The following UCP1 variants were observed in gnomAD, a reference collection of about 807,000 sequenced individuals.
The protein encoded by UCP1 is mitochondrial brown fat uncoupling protein 1.
A neutral mutation model predicts 26.2 loss-of-function variants in UCP1; 24 were observed. That is an observed-to-expected ratio of 0.92 (90% CI 0.66 to 1.29). The LOEUF (loss-of-function observed/expected upper bound fraction) is 1.29, where lower values mean the gene tolerates loss of function less well. Ranked by LOEUF, UCP1 falls within the 50% of genes most tolerant of loss-of-function variation. The pLI, the probability that UCP1 is intolerant of heterozygous loss-of-function variation, is 0.00. For synonymous variants in UCP1, 164 were observed against 156.8 expected, an observed-to-expected ratio of 1.05 and a Z score of -0.34; for missense variants, 402 against 388.7, an observed-to-expected ratio of 1.03 and a Z score of -0.29.
intron 1 of UCP1, among the ~76,000 whole-genome samples, 197 bp downstream of exon 1, chr4:140,568,407 G>A (rs1173260823): frequency 2.6e-5 from 4 of 152,156 alleles, no homozygotes; most frequent in Non-Finnish European, 5.9e-5. Flanking sequence ...TGGCCCTGGT[G>A]GTTCTTCAGC....
At chr4:140,562,154 A>G (rs1287045211) in intron 5 of UCP1, 39 bp downstream of exon 5, 2 of 1,612,550 alleles carry the variant, frequency 1.2e-6, no homozygotes, top group Non-Finnish European at 1.7e-6. Context: ...GCACACAGAC[A>G]GCCAGAACAC....
Position 140,568,821 on chromosome 4 carries a change from G to A in UCP1, c.-92C>T, listed in dbSNP as rs17848355. On this transcript the variant is annotated 5_prime_UTR_variant, in exon 1 of 6. Transcript: ENST00000262999. ...CCCTTGCTCTTCACGCCTGTCCGCCGGGCAGCAAACCCGATTTCTGTTTTT... is the reference window on the plus strand; with the variant it reads ...CCCTTGCTCTTCACGCCTGTCCGCCAGGCAGCAAACCCGATTTCTGTTTTT... 1.6e-5 allele frequency: 25 copies of A among 1,524,994 alleles called. No homozygotes were observed. Among genetic ancestry groups the A allele is most frequent in the African/African-American group, 9.6e-5 (7 of 72,830 alleles). The allele number at this position is 1,524,994 out of a possible 1,614,324, so 94.5% of individuals were successfully genotyped here.
In UCP1 at chr4:140,568,718, C is replaced by A; in HGVS notation, c.12G>T (p.Leu4=). Residue 4 remains leucine, a synonymous_variant, in exon 1 of 6, where the codon CTG becomes CTT. Transcript: ENST00000262999. ...GGGTCGGGTGTACGTCCGAGGCTGT[C>A]AGGCCCCCCATCTTCACTCAGAGAC... is the stretch of plus-strand genomic sequence containing the variant. MGG[L]TASDVHPTLG... The A allele has an allele frequency of 1.9e-6, 3 of 1,593,760 alleles. No homozygotes were observed. Among genetic ancestry groups the A allele is most frequent in the Non-Finnish European group, 2.6e-6 (3 of 1,172,056 alleles).
chr4:140,566,678 A>G (rs1432039406), intron 2 of UCP1, among the ~76,000 whole-genome samples: 2 of 152,214 alleles, frequency 1.3e-5, no homozygotes, highest in African/African-American at 2.4e-5. Context: ...TGAAATCTAC[A>G]AGGTGGATTT....
At position 140,562,274 on chromosome 4, in the gene UCP1, G is replaced by T. The variant is rs754743844; in HGVS notation, c.728C>A (p.Ser243Tyr). ...CACACTTTTGTACTGTCCTGGTGGA[G>T]AATTAATAAATCTGGTTTTTACTAC... ...VDVVKTRFIN[S>Y]PPGQYKSVPN... Residue 243 changes from serine to tyrosine, a missense_variant, in exon 5 of 6, where the codon TCT becomes TAT. Coordinates refer to ENST00000262999, the MANE Select transcript of UCP1 (RefSeq NM_021833.5). 7.4e-6 allele frequency: 12 copies of T among 1,614,010 alleles called. 1 individual carries two copies. In the South Asian group the frequency reaches 1.2e-4, roughly 16 times the overall value.
rs774544396 is a variant in UCP1, at chr4:140,562,208, G to T, written c.794C>A (p.Thr265Lys). Residue 265 changes from threonine (T) to lysine (K), a missense_variant, in exon 5 of 6, where the codon ACG becomes AAG. Transcript: ENST00000262999. ...CATATCTTACCCCTTGAAGAAAGCC[G>T]TTGGTCCTTCGTTAGTGAACACTTT... is the stretch of plus-strand genomic sequence containing the variant. ...AMKVFTNEGP[T>K]AFFKGLVPSF... 2.5e-6 allele frequency: 4 copies of T among 1,614,018 alleles called. No homozygotes were observed. Among genetic ancestry groups the T allele is most frequent in the Non-Finnish European group, 3.4e-6 (4 of 1,180,008 alleles).
chr4:140,565,144 T>G (rs181990301), intron 2 of UCP1, among the ~76,000 whole-genome samples: 1 of 152,332 alleles, frequency 6.6e-6, no homozygotes, highest in Admixed American at 6.5e-5. Flanking sequence ...CTGAATCATG[T>G]GCCTACTGGC....
chr4:140,565,352 C>A (rs1289381685), intron 2 of UCP1, among the ~76,000 whole-genome samples: 1 of 152,174 alleles, frequency 6.6e-6, no homozygotes, highest in African/African-American at 2.4e-5. Flanking sequence ...TGATTGACAT[C>A]TCTTTTTCCC....
At position 140,562,194 on chromosome 4, in the gene UCP1, C is replaced by T; in HGVS notation, c.808G>A (p.Gly270Arg). The change falls in exon 5 of 6, where the codon GGG becomes AGG. Residue 270 changes from glycine to arginine, a missense_variant and splice_region_variant. Gly to Arg is a moderately radical substitution (Grantham distance 125). Transcript: ENST00000262999. Reference sequence around the variant, plus strand: ...CAGATACACAAGATCATATCTTACCCCTTGAAGAAAGCCGTTGGTCCTTCG... The same window carrying T: ...CAGATACACAAGATCATATCTTACCTCTTGAAGAAAGCCGTTGGTCCTTCG... The part of the protein sequence containing the change: ...TNEGPTAFFK[G>R]LVPSFLRLGS... 1.2e-6 allele frequency: 2 copies of T among 1,614,134 alleles called. No individual in the cohort carries two copies. Among genetic ancestry groups the T allele is most frequent in the Non-Finnish European group, 1.7e-6 (2 of 1,179,994 alleles).
chr4:140,563,186 A>C lies in UCP1; in HGVS notation c.552T>G (p.Ser184Arg), dbSNP rs202215906. The change falls in exon 4 of 6, where the codon AGT becomes AGG. Residue 184 changes from serine to arginine, a missense_variant. Coordinates refer to ENST00000262999, the MANE Select transcript of UCP1 (RefSeq NM_021833.5). ...WKGTTPNLMR[S>R]VIINCTELVT... Reference sequence around the variant, plus strand: ...CTAGCTCTGTACAATTGATGATGACACTTCTCATCAGATTGGGAGTAGTCC... The same window carrying C: ...CTAGCTCTGTACAATTGATGATGACCCTTCTCATCAGATTGGGAGTAGTCC... The C allele has an allele frequency of 1.9e-6, 3 of 1,613,476 alleles. No homozygotes were observed. The highest frequency in any genetic ancestry group is 3.3e-5 in the Admixed American group (2 of 59,994).
intron 2 of UCP1, among the ~76,000 whole-genome samples, chr4:140,567,027 T>C (rs1194746832): frequency 2.6e-5 from 4 of 152,216 alleles, no homozygotes; most frequent in African/African-American, 7.2e-5. Flanking sequence ...TGCCAAGGGA[T>C]AATGGTACTA....
At chr4:140,566,819 C>T (rs142354839) in intron 2 of UCP1, among the ~76,000 whole-genome samples, 17 of 152,292 alleles carry the variant, frequency 1.1e-4, no homozygotes, top group African/African-American at 3.9e-4. Context: ...ATTCGGCTAA[C>T]ACTTTTTACT....
At chr4:140,566,362 A>C (rs887674201) in intron 2 of UCP1, among the ~76,000 whole-genome samples, 1 of 152,218 alleles carries the variant, frequency 6.6e-6, no homozygotes, top group Non-Finnish European at 1.5e-5. Flanking sequence ...AAATAAACTG[A>C]ATCTATATAA....
chr4:140,562,258 G>A lies in UCP1; in HGVS notation c.744C>T (p.Tyr248=), dbSNP rs372823869. The A allele has an allele frequency of 2.0e-5, 32 of 1,613,966 alleles. No homozygotes were observed. The African/African-American group carries it at 3.2e-4, about 16-fold the overall frequency. Residue 248 remains tyrosine, a synonymous_variant, in exon 5 of 6, where the codon TAC becomes TAT. Transcript: ENST00000262999. ...TCATTGCACAGTTGGGCACACTTTT[G>A]TACTGTCCTGGTGGAGAATTAATAA... ...TRFINSPPGQ[Y]KSVPNCAMKV... is the part of the protein sequence containing the mutation.
rs76626493 is a variant in UCP1 at position 140,559,713 on chromosome 4, G to GAA, written c.*181_*182dup. ...TGCTTTCCCCTTCTTAAGACACTGA[G>GAA]AAAAAAAAAAAGTTATATGAAATAG... On this transcript the variant is annotated 3_prime_UTR_variant, in exon 6 of 6. Transcript: ENST00000262999. 5.7e-3 allele frequency: 2,937 copies of GAA among 517,708 alleles called. No individual in the cohort carries two copies. Among genetic ancestry groups the GAA allele is most frequent in the South Asian group, 9.5e-3 (378 of 39,814 alleles). The allele number at this position is 517,708 out of a possible 1,614,324, so 32.1% of individuals were successfully genotyped here.
At chr4:140,560,607 G>A (rs726989) in intron 5 of UCP1, among the ~76,000 whole-genome samples, 30,839 of 151,974 alleles carry the variant, frequency 0.2, 3,236 homozygotes, top group Admixed American at 0.27. Context: ...CAATCTTGAC[G>A]ATTCTTGTCC....
In UCP1 at chr4:140,567,882, G is replaced by A. The variant is rs17848358; in HGVS notation, c.222C>T (p.Leu74=). ...GAAGCCCCGCAGGCAGCCCGCTGTA[G>A]AGTTTCATCCGCCCTTCTGTTTTTA... ...AVVKTEGRMK[L]YSGLPAGLQR... The change falls in exon 2 of 6, where the codon CTC becomes CTT. Residue 74 remains leucine, a synonymous_variant. Coordinates refer to ENST00000262999, the MANE Select transcript of UCP1 (RefSeq NM_021833.5). 6.2e-7 allele frequency: 1 copy of A among 1,614,204 alleles called. No individual in the cohort carries two copies. The highest frequency in any genetic ancestry group is 1.7e-5 in the Admixed American group (1 of 60,028).
rs1455168056 is a variant in UCP1, at chr4:140,567,961, G to A, written c.143C>T (p.Pro48Leu). 6.2e-7 allele frequency: 1 copy of A among 1,614,062 alleles called. No individual in the cohort carries two copies. The highest frequency in any genetic ancestry group is 1.3e-5 in the African/African-American group (1 of 74,918). ...TTTATACCTAATAACACTGGACGTC[G>A]GGCATTCACCTTGGACCTGGAAATA... ...KVRLQVQGECPTSSVIRYKGV... is the reference protein window; with the variant it reads ...KVRLQVQGECLTSSVIRYKGV... The change falls in exon 2 of 6, where the codon CCG becomes CTG. Residue 48 changes from proline to leucine, a missense_variant. Coordinates refer to ENST00000262999, the MANE Select transcript of UCP1 (RefSeq NM_021833.5).
chr4:140,563,688 A>G lies in UCP1; in HGVS notation c.326-170T>C, dbSNP rs975451291. Among the ~76,000 whole-genome samples the G allele has an allele frequency of 3.3e-5, 5 of 151,424 alleles. No individual in the cohort carries two copies. The East Asian group carries it at 5.8e-4, about 18-fold the overall frequency. On this transcript the variant is annotated intron_variant, in intron 2 of 5. Coordinates refer to ENST00000262999, the MANE Select transcript of UCP1 (RefSeq NM_021833.5). ...AGTGGTGTGATCTTGGCTCACTGCA[A>G]TCTCCGCCTCCCGGGTTCAAGAGAT...
Sources: allele counts gnomAD v4.1 joint callset (sites outside exome capture counted in the v4.1 genomes callset), GRCh38; gene constraint gnomAD v4.1.1; transcripts MANE v1.5; gene names NCBI Gene and HGNC (gene_info 2026-07-23, HGNC 2026-07-21).